ZNF532: variants seen among roughly 807,000 people sequenced by gnomAD.
ZNF532 encodes zinc finger protein 532.
In ZNF532, 22 loss-of-function variants were observed where a neutral mutation model predicts 89.3. The observed-to-expected ratio is 0.25, with a 90% CI of 0.18 to 0.35. ZNF532 has a LOEUF of 0.35. Among genes scored for constraint, ZNF532 ranks in the 10% least tolerant of loss-of-function variants. The pLI, the probability that ZNF532 is intolerant of heterozygous loss-of-function variation, is 1.00. For synonymous variants in ZNF532, 606 were observed against 649.6 expected (o/e 0.93, Z 1.02); for missense variants, 1,132 against 1,643.4 (o/e 0.69, Z 5.38).
intron 7 of ZNF532, chr18:58,954,473 C>T (rs543029036): frequency 5.5e-6 from 1 of 182,474 alleles, no homozygotes; most frequent in Non-Finnish European, 1.0e-5. Flanking sequence ...CTGATTGTCT[C>T]AAAGTTGGTT....
intron 2 of ZNF532, among the ~76,000 whole-genome samples, chr18:58,867,365 T>C (rs1476375043): frequency 1.3e-5 from 2 of 152,212 alleles, no homozygotes; most frequent in African/African-American, 2.4e-5. Flanking sequence ...GACCAATCTT[T>C]CCAGCTGCAA....
intron 2 of ZNF532, among the ~76,000 whole-genome samples, chr18:58,891,294 C>G (rs1452388232): frequency 1.3e-5 from 2 of 152,118 alleles, no homozygotes. Context: ...CTTTCGGAGG[C>G]TGAGGTGGGT....
intron 2 of ZNF532, among the ~76,000 whole-genome samples, chr18:58,915,918 A>T (rs1233168369): frequency 1.3e-5 from 2 of 152,228 alleles, no homozygotes; most frequent in East Asian, 3.8e-4. Flanking sequence ...CACCAAAGTC[A>T]TAAAGAGAGG....
At chr18:58,939,820 C>T (rs1263633284) in intron 5 of ZNF532, 199 bp downstream of exon 5, 22 of 425,716 alleles carry the variant, frequency 5.2e-5, no homozygotes, top group South Asian at 4.3e-4. Flanking sequence ...TGTCCAAAAA[C>T]GTTACCTATT....
At chr18:58,905,164 C>T (rs1178584139) in intron 2 of ZNF532, among the ~76,000 whole-genome samples, 1 of 152,024 alleles carries the variant, frequency 6.6e-6, no homozygotes, top group Non-Finnish European at 1.5e-5. Flanking sequence ...TTCTAATAAC[C>T]TATGGTTTAA....
At chr18:58,899,340 T>G (rs1223105819) in intron 2 of ZNF532, among the ~76,000 whole-genome samples, 1 of 152,264 alleles carries the variant, frequency 6.6e-6, no homozygotes, top group Non-Finnish European at 1.5e-5. Flanking sequence ...TGGCATCCTT[T>G]ATTTTTCTGG....
chr18:58,904,040 A>T (rs2059766722), intron 2 of ZNF532, among the ~76,000 whole-genome samples: 1 of 152,190 alleles, frequency 6.6e-6, no homozygotes, highest in Non-Finnish European at 1.5e-5. Context: ...TTTATCGTTC[A>T]ATATGTTCTT....
intron 6 of ZNF532, among the ~76,000 whole-genome samples, chr18:58,951,913 TG>T (rs1249837496): frequency 6.6e-6 from 1 of 152,138 alleles, no homozygotes; most frequent in Non-Finnish European, 1.5e-5. Flanking sequence ...CCTCCCAAAG[TG>T]CTGGGATTAC....
In ZNF532 at chr18:58,920,079, A is replaced by G; in HGVS notation, c.1792A>G (p.Ile598Val). 52 of 1,613,934 alleles carry G rather than the reference A, an allele frequency of 3.2e-5. No homozygotes were observed. The highest frequency in any genetic ancestry group is 4.3e-5 in the Non-Finnish European group (51 of 1,179,862). ...LSSVNPVPVY[I>V]PNLSPPANAG... The stretch of plus-strand genomic sequence containing the variant: ...CAGTGTCAATCCAGTCCCTGTTTAC[A>G]TCCCAAACCTCAGTCCTCCCGCCAA... Residue 598 changes from isoleucine (I) to valine (V), a missense_variant, in exon 3 of 10, where the codon ATC becomes GTC. Transcript: ENST00000591808.
chr18:58,870,073 T>G (rs1262081979), intron 2 of ZNF532, among the ~76,000 whole-genome samples: 2 of 37,704 alleles, frequency 5.3e-5, no homozygotes, highest in Non-Finnish European at 8.6e-5. Context: ...GCCCAGGTTG[T>G]TTTTTTTTTT....
chr18:58,942,043 C>A (rs911732814), intron 5 of ZNF532, among the ~76,000 whole-genome samples: 2 of 145,622 alleles, frequency 1.4e-5, no homozygotes, highest in East Asian at 2.1e-4. Context: ...CCCCGCCCCC[C>A]CCTCAGTCTC....
chr18:58,948,225 T>A lies in ZNF532; in HGVS notation c.2864T>A (p.Ile955Asn). 1 of 1,609,572 alleles carries A rather than the reference T, an allele frequency of 6.2e-7. No homozygotes were observed. Among genetic ancestry groups the A allele is most frequent in the Non-Finnish European group, 8.5e-7 (1 of 1,178,024 alleles). ...CAGAAGCAACTTATGATGGACCATA[T>A]CAAGGTGTGTGTGCATCTATCCTCT... ...YAQKQLMMDH[I>N]KSMHGTLKSI... Residue 955 changes from isoleucine to asparagine, a missense_variant, in exon 6 of 10, where the codon ATC becomes AAC. By Grantham distance (149) the Ile-to-Asn change is moderately radical. Coordinates refer to ENST00000591808, the MANE Select transcript of ZNF532 (RefSeq NM_001375912.1).
At chr18:58,870,438 T>C (rs1488810635) in intron 2 of ZNF532, among the ~76,000 whole-genome samples, 1 of 151,996 alleles carries the variant, frequency 6.6e-6, no homozygotes, top group Non-Finnish European at 1.5e-5. Context: ...GCAGCACACG[T>C]GGAAAGGTCT....
intron 2 of ZNF532, among the ~76,000 whole-genome samples, chr18:58,867,748 T>C (rs1228704530): frequency 6.6e-6 from 1 of 152,248 alleles, no homozygotes; most frequent in Admixed American, 6.5e-5. Flanking sequence ...AAAGTGTAAC[T>C]GGGTGTTGAA....
At chr18:58,935,493 C>T (rs2062396592) in intron 4 of ZNF532, among the ~76,000 whole-genome samples, 1 of 69,634 alleles carries the variant, frequency 1.4e-5, no homozygotes, top group African/African-American at 6.3e-5. Flanking sequence ...CCCTCTTCCC[C>T]CCTTCCTCCT....
intron 2 of ZNF532, among the ~76,000 whole-genome samples, chr18:58,914,509 G>A (rs1263174192): frequency 9.2e-5 from 14 of 152,216 alleles, no homozygotes; most frequent in African/African-American, 2.4e-4. Flanking sequence ...GTGAAACCCC[G>A]TCTCTACTAA....
intron 7 of ZNF532, among the ~76,000 whole-genome samples, chr18:58,964,538 TG>T: frequency 7.1e-5 from 2 of 28,030 alleles, no homozygotes; most frequent in Non-Finnish European, 1.2e-4. Flanking sequence ...ATTTTGTTTG[TG>T]TGTGTGTGTG....
intron 3 of ZNF532, among the ~76,000 whole-genome samples, chr18:58,930,821 A>G (rs1603208133): frequency 6.6e-6 from 1 of 152,066 alleles, no homozygotes; most frequent in Admixed American, 6.5e-5. Flanking sequence ...AATACCTAAT[A>G]GTGTAAATAT....
chr18:58,876,271 T>C (rs2057423065), intron 2 of ZNF532, among the ~76,000 whole-genome samples: 2 of 152,150 alleles, frequency 1.3e-5, no homozygotes, highest in Non-Finnish European at 2.9e-5. Flanking sequence ...ATAATGATTC[T>C]GTAGGGCTGG....
Sources: allele counts gnomAD v4.1 joint callset (sites outside exome capture counted in the v4.1 genomes callset), GRCh38; gene constraint gnomAD v4.1.1; transcripts MANE v1.5; gene names NCBI Gene and HGNC (gene_info 2026-07-23, HGNC 2026-07-21).